Variants in CTNNA2 observed in about 807,000 individuals in gnomAD.
CTNNA2 encodes catenin alpha 2.
A neutral mutation model predicts 101.0 loss-of-function variants in CTNNA2; 42 were observed. The ratio of observed to expected loss-of-function variants is 0.42; its 90% confidence interval spans 0.32 to 0.54. The LOEUF is 0.54. CTNNA2 is among the 20% of genes least tolerant of loss of function. The probability of loss-of-function intolerance (pLI) is 0.14; values close to 1 mark genes in which losing one functional copy is unlikely to be tolerated. For missense variants in CTNNA2, 871 were observed against 1,223.1 expected (o/e 0.71, Z 4.29); for synonymous variants, 450 against 456.4 (o/e 0.99, Z 0.18).
chr2:79,219,859 G>A (rs977094071), intron 2 of CTNNA2, among the ~76,000 whole-genome samples: 1 of 152,142 alleles, frequency 6.6e-6, no homozygotes, highest in Admixed American at 6.5e-5. Context: ...TGACCCTTTC[G>A]TGAACAGCAA....
chr2:79,483,383 G>C (rs1348373320), intron 4 of CTNNA2, among the ~76,000 whole-genome samples: 1 of 152,160 alleles, frequency 6.6e-6, no homozygotes, highest in Non-Finnish European at 1.5e-5. Context: ...GATCAGAAAA[G>C]GGGCACATCA....
chr2:79,282,762 G>A (rs1191813584), intron 2 of CTNNA2, among the ~76,000 whole-genome samples: 2 of 127,108 alleles, frequency 1.6e-5, no homozygotes, highest in Non-Finnish European at 3.5e-5. Flanking sequence ...TAGTCCTTCG[G>A]GTATATACAC....
At chr2:79,313,776 G>A (rs540275425) in intron 3 of CTNNA2, among the ~76,000 whole-genome samples, 2 of 152,160 alleles carry the variant, frequency 1.3e-5, no homozygotes, top group African/African-American at 2.4e-5. Flanking sequence ...TGCCCATAGA[G>A]CCCAGCATGG....
chr2:79,698,130 T>C (rs977473100), intron 2 of CTNNA2, among the ~76,000 whole-genome samples: 1 of 152,042 alleles, frequency 6.6e-6, no homozygotes, highest in Non-Finnish European at 1.5e-5. Context: ...TTCGGATGAG[T>C]ATATTTTATA....
At position 79,331,784 on chromosome 2, in the gene CTNNA2, A is replaced by T. The variant is rs564570506; in HGVS notation, c.-318+18988A>T. 3.0e-4 allele frequency among the ~76,000 whole-genome samples: 45 copies of T among 152,320 alleles called. No individual in the cohort carries two copies. In the South Asian group the frequency reaches 8.9e-3, roughly 30 times the overall value. On this transcript the variant is annotated intron_variant, in intron 3 of 21. Coordinates refer to the CTNNA2 transcript ENST00000466387. Reference sequence around the variant, plus strand: ...AAGCATTATGAACTCCATAGTTCTGAAGGCTAATTATCAAAAGGATTCAGC... The same window carrying T: ...AAGCATTATGAACTCCATAGTTCTGTAGGCTAATTATCAAAAGGATTCAGC...
chr2:80,345,557 G>T (rs1227711264), intron 7 of CTNNA2, among the ~76,000 whole-genome samples: 1 of 151,926 alleles, frequency 6.6e-6, no homozygotes, highest in Non-Finnish European at 1.5e-5. Flanking sequence ...CATCCTCCCA[G>T]AAGAATGTAA....
intron 7 of CTNNA2, among the ~76,000 whole-genome samples, chr2:80,356,040 T>C (rs1230344695): frequency 6.6e-6 from 1 of 152,318 alleles, no homozygotes; most frequent in South Asian, 2.1e-4. Context: ...AACTCTGTTA[T>C]GTCAATTATA....
At chr2:79,815,516 A>G (rs963986231) in intron 3 of CTNNA2, among the ~76,000 whole-genome samples, 1 of 152,104 alleles carries the variant, frequency 6.6e-6, no homozygotes, top group Non-Finnish European at 1.5e-5. Flanking sequence ...GTTGAAAAGA[A>G]TGTCCTTTCC....
intron 3 of CTNNA2, among the ~76,000 whole-genome samples, chr2:79,772,076 A>G (rs866964281): frequency 7.6e-5 from 11 of 144,012 alleles, no homozygotes; most frequent in Admixed American, 1.4e-4. Flanking sequence ...AAGACTTGCT[A>G]TAGAATGGAC....
intron 7 of CTNNA2, among the ~76,000 whole-genome samples, chr2:79,957,817 A>T (rs928015637): frequency 1.3e-5 from 2 of 152,018 alleles, no homozygotes; most frequent in East Asian, 3.9e-4. Flanking sequence ...TTACTTTTCA[A>T]CCTTATTGTA....
intron 4 of CTNNA2, among the ~76,000 whole-genome samples, chr2:79,432,118 A>G (rs1678664615): frequency 6.6e-6 from 1 of 152,174 alleles, no homozygotes; most frequent in Admixed American, 6.5e-5. Flanking sequence ...TCTCATACAA[A>G]TTAGTCAGTA....
chr2:79,571,018 C>T (rs2103821080), intron 1 of CTNNA2, among the ~76,000 whole-genome samples: 1 of 152,270 alleles, frequency 6.6e-6, no homozygotes, highest in African/African-American at 2.4e-5. Context: ...TATTTTATAT[C>T]TGCAGTGATA....
chr2:80,362,605 T>TGAATCTAATATTTAAATG (rs1674518446), intron 7 of CTNNA2, among the ~76,000 whole-genome samples: 1 of 151,508 alleles, frequency 6.6e-6, no homozygotes, highest in African/African-American at 2.4e-5. Context: ...GGTTAATACA[T>TGAATCTAATATTTAAATG]GAATCTAATA....
chr2:79,396,628 C>T (rs180940703), intron 4 of CTNNA2, among the ~76,000 whole-genome samples: 1 of 152,252 alleles, frequency 6.6e-6, no homozygotes, highest in African/African-American at 2.4e-5. Flanking sequence ...GGATTGATCT[C>T]ATTTGAAATA....
At chr2:80,305,395 G>T in intron 7 of CTNNA2, 1 of 983,120 alleles carries the variant, frequency 1.0e-6, no homozygotes, top group Non-Finnish European at 1.2e-6. Context: ...ATACATATGG[G>T]GTACAGAGTG....
At chr2:80,339,656 G>A (rs1449576144) in intron 7 of CTNNA2, among the ~76,000 whole-genome samples, 1 of 152,086 alleles carries the variant, frequency 6.6e-6, no homozygotes, top group Non-Finnish European at 1.5e-5. Flanking sequence ...CATGGGTTTG[G>A]TGCTACTGGA....
chr2:79,241,053 G>C (rs1470001274), intron 2 of CTNNA2, among the ~76,000 whole-genome samples: 2 of 151,972 alleles, frequency 1.3e-5, no homozygotes, highest in Admixed American at 6.6e-5. Flanking sequence ...TGGCCAACTT[G>C]GTAATAAACC....
At chr2:79,895,292 G>C (rs1427841137) in intron 6 of CTNNA2, among the ~76,000 whole-genome samples, 1 of 152,160 alleles carries the variant, frequency 6.6e-6, no homozygotes, top group East Asian at 1.9e-4. Flanking sequence ...TAATTTGCCT[G>C]CTTAAAAATA....
intron 7 of CTNNA2, among the ~76,000 whole-genome samples, chr2:80,334,734 C>T (rs184520697): frequency 1.9e-4 from 29 of 152,336 alleles, no homozygotes; most frequent in African/African-American, 7.0e-4. Context: ...AGAGCACCTT[C>T]ACTCCTTCTA....
Sources: allele counts gnomAD v4.1 joint callset (sites outside exome capture counted in the v4.1 genomes callset), GRCh38; gene constraint gnomAD v4.1.1; transcripts MANE v1.5; gene names NCBI Gene and HGNC (gene_info 2026-07-23, HGNC 2026-07-21).